The following CCSER1 variants were observed in gnomAD, a reference collection of about 807,000 sequenced individuals.
CCSER1 encodes coiled-coil serine rich protein 1.
A neutral mutation model predicts 82.0 loss-of-function variants in CCSER1; 41 were observed. The observed-to-expected ratio is 0.50, with a 90% CI of 0.39 to 0.65. The LOEUF (loss-of-function observed/expected upper bound fraction) is 0.65, where lower values mean the gene tolerates loss of function less well. Ranked by LOEUF, CCSER1 falls within the 30% of genes least tolerant of loss-of-function variation. The probability of loss-of-function intolerance (pLI) is 0.00; values close to 1 mark genes in which losing one functional copy is unlikely to be tolerated. For synonymous variants in CCSER1, 414 were observed against 383.9 expected (o/e 1.08, Z -0.92); for missense variants, 1,119 against 1,064.2 (o/e 1.05, Z -0.72).
At chr4:91,129,998 A>G (rs1426072913) in intron 10 of CCSER1, 3 of 151,982 alleles carry the variant, frequency 2.0e-5, no homozygotes, top group Non-Finnish European at 1.5e-5. Flanking sequence ...ACTGTATTAA[A>G]GGCTGTGGAT....
At chr4:91,200,349 A>G (rs1735808844) in intron 10 of CCSER1, among the ~76,000 whole-genome samples, 2 of 152,072 alleles carry the variant, frequency 1.3e-5, no homozygotes, top group Admixed American at 6.6e-5. Context: ...AATAAAACAC[A>G]TTTCTACAGA....
chr4:90,452,172 T>G (rs1761542377), intron 4 of CCSER1, among the ~76,000 whole-genome samples: 1 of 152,142 alleles, frequency 6.6e-6, no homozygotes, highest in Non-Finnish European at 1.5e-5. Context: ...AACTTCTGTC[T>G]GTAATGAGAG....
chr4:90,992,539 G>C (rs28533414), intron 9 of CCSER1, among the ~76,000 whole-genome samples: 3,917 of 152,062 alleles, frequency 0.026, 147 homozygotes, highest in African/African-American at 0.085. Flanking sequence ...TCTGCTTAGT[G>C]TATCACAAGA....
chr4:90,889,164 A>G (rs1422334291), intron 8 of CCSER1, among the ~76,000 whole-genome samples: 1 of 152,190 alleles, frequency 6.6e-6, no homozygotes, highest in Non-Finnish European at 1.5e-5. Context: ...TAAGAATTCC[A>G]TTTACAAATG....
intron 1 of CCSER1, among the ~76,000 whole-genome samples, chr4:90,128,069 C>T (rs1722111501): frequency 6.6e-6 from 1 of 152,036 alleles, no homozygotes. Flanking sequence ...ACTCCCAGTG[C>T]GCCGCGTGGC....
intron 5 of CCSER1, among the ~76,000 whole-genome samples, chr4:90,490,743 T>C (rs911254629): frequency 6.6e-6 from 1 of 152,184 alleles, no homozygotes; most frequent in African/African-American, 2.4e-5. Context: ...TACATATGGC[T>C]AGCTAGTTTT....
At chr4:90,367,644 A>G (rs1344989934) in intron 3 of CCSER1, among the ~76,000 whole-genome samples, 1 of 151,990 alleles carries the variant, frequency 6.6e-6, no homozygotes, top group Admixed American at 6.6e-5. Flanking sequence ...AAATGAGGAA[A>G]AAAATGAAAC....
At chr4:90,528,683 C>T (rs1223960224) in intron 5 of CCSER1, among the ~76,000 whole-genome samples, 1 of 152,124 alleles carries the variant, frequency 6.6e-6, no homozygotes, top group Non-Finnish European at 1.5e-5. Context: ...GTTCCATTAA[C>T]CAGTGACATT....
At chr4:91,427,008 G>C (rs1287391968) in intron 10 of CCSER1, among the ~76,000 whole-genome samples, 1 of 152,110 alleles carries the variant, frequency 6.6e-6, no homozygotes, top group Admixed American at 6.6e-5. Context: ...TAAGGTGACT[G>C]TCCTAACATC....
At chr4:91,400,294 C>G (rs1170028646) in intron 10 of CCSER1, among the ~76,000 whole-genome samples, 2 of 151,784 alleles carry the variant, frequency 1.3e-5, no homozygotes, top group Non-Finnish European at 2.9e-5. Context: ...TCACTAATTT[C>G]TATATCTCTA....
At chr4:90,781,360 T>C in intron 7 of CCSER1, 1 of 985,416 alleles carries the variant, frequency 1.0e-6, no homozygotes, top group Non-Finnish European at 1.2e-6. Context: ...TTGTACTGTA[T>C]CTGTGGAATC....
chr4:90,931,367 A>T (rs1417341550), intron 9 of CCSER1, among the ~76,000 whole-genome samples: 1 of 149,914 alleles, frequency 6.7e-6, no homozygotes, highest in East Asian at 2.0e-4. Flanking sequence ...AATATGATTA[A>T]ATTGAATTTA....
chr4:91,049,221 T>G (rs1742786488), intron 9 of CCSER1, among the ~76,000 whole-genome samples: 1 of 152,168 alleles, frequency 6.6e-6, no homozygotes, highest in South Asian at 2.1e-4. Flanking sequence ...TTTTCACAAT[T>G]TAACCATGAA....
At chr4:91,563,972 T>C (rs1762771912) in intron 10 of CCSER1, among the ~76,000 whole-genome samples, 1 of 151,822 alleles carries the variant, frequency 6.6e-6, no homozygotes, top group Non-Finnish European at 1.5e-5. Context: ...GTTATAAATA[T>C]AATTTCATCA....
At chr4:90,483,385 A>C (rs556848868) in intron 5 of CCSER1, among the ~76,000 whole-genome samples, 2 of 152,150 alleles carry the variant, frequency 1.3e-5, no homozygotes, top group African/African-American at 4.8e-5. Flanking sequence ...TAAGGTTAGT[A>C]TTGTCATGTG....
intron 3 of CCSER1, among the ~76,000 whole-genome samples, chr4:90,373,560 A>T (rs913308439): frequency 6.6e-6 from 1 of 152,196 alleles, no homozygotes; most frequent in Non-Finnish European, 1.5e-5. Flanking sequence ...ATTATTTTTC[A>T]TTTTAATTAG....
At chr4:90,782,318 C>T (rs564540378) in intron 7 of CCSER1, among the ~76,000 whole-genome samples, 157 of 152,312 alleles carry the variant, frequency 1.0e-3, no homozygotes, top group African/African-American at 3.5e-3. Flanking sequence ...AGATCACTCA[C>T]ACATTCATTC....
At chr4:91,126,670 TAAAG>T (rs1042658473) in intron 10 of CCSER1, among the ~76,000 whole-genome samples, 12 of 151,952 alleles carry the variant, frequency 7.9e-5, no homozygotes, top group African/African-American at 2.7e-4. Flanking sequence ...CATATTCTGT[TAAAG>T]AATAGAGTAG....
chr4:91,146,580 C>CTTCTTTTTTT (rs3971344), intron 10 of CCSER1, among the ~76,000 whole-genome samples: 1 of 149,476 alleles, frequency 6.7e-6, no homozygotes. Context: ...TTATCTTCTT[C>CTTCTTTTTTT]TTTTTTTTTT....
Sources: gnomAD v4.1 joint callset for allele counts (sites outside exome capture counted in the v4.1 genomes callset) on GRCh38, gnomAD v4.1.1 for gene constraint, MANE v1.5 for transcripts, NCBI Gene and HGNC (gene_info 2026-07-23, HGNC 2026-07-21) for gene names.